ARHGAP26: variants seen among roughly 807,000 people sequenced by gnomAD.
ARHGAP26 encodes the protein Rho GTPase activating protein 26, also known as rho GTPase-activating protein 26.
In ARHGAP26, 38 loss-of-function variants were observed where a neutral mutation model predicts 104.8. The observed-to-expected ratio is 0.36, with a 90% CI of 0.28 to 0.48. ARHGAP26 has a LOEUF of 0.48. Ranked by LOEUF, ARHGAP26 falls within the 20% of genes least tolerant of loss-of-function variation. ARHGAP26 has a pLI of 0.99. For missense variants in ARHGAP26, 704 were observed against 947.9 expected, an observed-to-expected ratio of 0.74 and a Z score of 3.38; for synonymous variants, 341 against 340.0, an observed-to-expected ratio of 1.00 and a Z score of -0.03.
At chr5:142,961,733 T>C (rs1486121024) in intron 11 of ARHGAP26, among the ~76,000 whole-genome samples, 1 of 152,184 alleles carries the variant, frequency 6.6e-6, no homozygotes, top group Non-Finnish European at 1.5e-5. Context: ...TCAGCCATTC[T>C]CCCACAAGGA....
intron 12 of ARHGAP26, among the ~76,000 whole-genome samples, chr5:143,016,021 C>T (rs976168903): frequency 1.3e-5 from 2 of 152,058 alleles, no homozygotes; most frequent in African/African-American, 2.4e-5. Flanking sequence ...TTTGTTGGGG[C>T]GTTGGTGATA....
At chr5:143,069,382 T>C (rs116020813) in intron 17 of ARHGAP26, among the ~76,000 whole-genome samples, 1,630 of 152,188 alleles carry the variant, frequency 0.011, 14 homozygotes, top group Non-Finnish European at 0.016. Flanking sequence ...GAGTGGAAAA[T>C]ATCCAGGTAA....
chr5:142,885,184 G>A, intron 4 of ARHGAP26, 114 bp from the exon 5 acceptor site: 1 of 804,596 alleles, frequency 1.2e-6, no homozygotes, highest in Non-Finnish European at 2.1e-6. Context: ...TACCTGAAAA[G>A]TAGGAGCTGA....
chr5:142,790,101 C>T (rs1223743425), intron 1 of ARHGAP26, among the ~76,000 whole-genome samples: 1 of 152,176 alleles, frequency 6.6e-6, no homozygotes, highest in Admixed American at 6.5e-5. Flanking sequence ...AGATTAAATT[C>T]CAGCCTTATG....
intron 1 of ARHGAP26, among the ~76,000 whole-genome samples, chr5:142,787,995 C>CTCTTTT (rs1759008453): frequency 7.5e-6 from 1 of 132,860 alleles, no homozygotes; most frequent in African/African-American, 2.8e-5. Context: ...TTAACCAATT[C>CTCTTTT]TTTTTTTTTT....
At chr5:142,816,824 G>T (rs184666313) in intron 1 of ARHGAP26, among the ~76,000 whole-genome samples, 15 of 152,338 alleles carry the variant, frequency 9.8e-5, no homozygotes, top group Non-Finnish European at 2.1e-4. Context: ...TGAGCAGAGG[G>T]TTAGTGTGAT....
chr5:142,933,402 A>G (rs1364750711), intron 11 of ARHGAP26, among the ~76,000 whole-genome samples: 1 of 152,224 alleles, frequency 6.6e-6, no homozygotes, highest in East Asian at 1.9e-4. Flanking sequence ...GAGGTTAAGT[A>G]ACTTGCCCCA....
At chr5:143,133,623 A>G (rs1398177200) in intron 18 of ARHGAP26, among the ~76,000 whole-genome samples, 5 of 152,264 alleles carry the variant, frequency 3.3e-5, no homozygotes, top group Non-Finnish European at 7.3e-5. Context: ...AAGGTAGTCA[A>G]AAAACTTCAA....
At chr5:142,971,924 A>T (rs1341876991) in intron 11 of ARHGAP26, among the ~76,000 whole-genome samples, 1 of 152,160 alleles carries the variant, frequency 6.6e-6, no homozygotes, top group Non-Finnish European at 1.5e-5. Flanking sequence ...GCTCACGCCT[A>T]TAATCCCAGC....
intron 17 of ARHGAP26, among the ~76,000 whole-genome samples, chr5:143,081,668 T>C (rs755443575): frequency 2.0e-5 from 3 of 152,152 alleles, no homozygotes; most frequent in African/African-American, 7.2e-5. Context: ...CAAGATTGAG[T>C]TGATGCATGC....
chr5:142,998,348 GC>G (rs1283392260), intron 11 of ARHGAP26, among the ~76,000 whole-genome samples: 2 of 152,132 alleles, frequency 1.3e-5, no homozygotes, highest in Non-Finnish European at 2.9e-5. Flanking sequence ...GCTATATCAA[GC>G]ACGATAGGAA....
chr5:142,986,669 A>G (rs888401731), intron 11 of ARHGAP26, among the ~76,000 whole-genome samples: 1 of 152,150 alleles, frequency 6.6e-6, no homozygotes, highest in Non-Finnish European at 1.5e-5. Flanking sequence ...TCCATCTTGA[A>G]TTAATGTTTG....
intron 14 of ARHGAP26, among the ~76,000 whole-genome samples, chr5:143,054,235 G>A (rs1275229193): frequency 2.0e-5 from 3 of 152,164 alleles, no homozygotes; most frequent in African/African-American, 7.2e-5. Flanking sequence ...GGATAGGAGA[G>A]GATCAGTTTC....
chr5:143,072,596 T>C (rs1422828195), intron 17 of ARHGAP26, among the ~76,000 whole-genome samples: 1 of 152,176 alleles, frequency 6.6e-6, no homozygotes, highest in Non-Finnish European at 1.5e-5. Context: ...AATCCTGTCA[T>C]TTGCAGCAAC....
At chr5:142,794,561 A>G (rs1213944814) in intron 1 of ARHGAP26, among the ~76,000 whole-genome samples, 1 of 152,122 alleles carries the variant, frequency 6.6e-6, no homozygotes, top group Non-Finnish European at 1.5e-5. Flanking sequence ...TCAAATTTGT[A>G]GGGGGAAAAA....
chr5:143,176,015 G>A (rs1427177415), intron 20 of ARHGAP26, among the ~76,000 whole-genome samples: 4 of 152,306 alleles, frequency 2.6e-5, no homozygotes, highest in South Asian at 2.1e-4. Context: ...TCAGGAGGCC[G>A]AGGCATGGGA....
At chr5:142,962,168 A>G (rs1368564200) in intron 11 of ARHGAP26, among the ~76,000 whole-genome samples, 1 of 152,218 alleles carries the variant, frequency 6.6e-6, no homozygotes, top group East Asian at 1.9e-4. Context: ...ATTATACCAG[A>G]CATTTCATGC....
rs767438650 is a variant in ARHGAP26, at chr5:143,222,733, G to A, written c.*287G>A. ...TTTCTCATGAGTACCCTGAATAGGG[G>A]GCACTCATTTTGTTTCAACGGTCCA... On this transcript the variant is annotated 3_prime_UTR_variant, in exon 23 of 23. Coordinates refer to ENST00000645722, the MANE Select transcript of ARHGAP26 (RefSeq NM_001135608.3). 1 of 289,834 alleles carries A rather than the reference G, an allele frequency of 3.5e-6. No homozygotes were observed. 18.0% of individuals were successfully genotyped at this position (289,834 alleles called of 1,614,324 possible).
chr5:142,808,236 GAAAAAAAAAAAAAAAAAAAAAAA>G (rs58550799), intron 1 of ARHGAP26, among the ~76,000 whole-genome samples: 32 of 32,674 alleles, frequency 9.8e-4, no homozygotes, highest in Non-Finnish European at 1.4e-3. Flanking sequence ...CATTGTCTCG[GAAAAAAAAAAAAAAAAAAAAAAA>G]AAAAAAAAAA....
Sources: allele counts gnomAD v4.1 joint callset (sites outside exome capture counted in the v4.1 genomes callset), GRCh38; gene constraint gnomAD v4.1.1; transcripts MANE v1.5; gene names NCBI Gene and HGNC (gene_info 2026-07-23, HGNC 2026-07-21).